SNTG1: variants seen among roughly 807,000 people sequenced by gnomAD.
SNTG1 encodes the protein syntrophin gamma 1.
Under a neutral mutation model 74.7 loss-of-function variants are expected in SNTG1, and 39 were observed. That is an observed-to-expected ratio of 0.52 (90% CI 0.40 to 0.68). The LOEUF (loss-of-function observed/expected upper bound fraction) is 0.68, where lower values mean the gene tolerates loss of function less well. SNTG1 is among the 30% of genes least tolerant of loss of function. SNTG1 has a pLI of 0.00. For synonymous variants in SNTG1, 254 were observed against 217.1 expected (o/e 1.17, Z -1.49); for missense variants, 685 against 609.5 (o/e 1.12, Z -1.30).
chr8:50,278,500 C>T (rs533303149), intron 2 of SNTG1, among the ~76,000 whole-genome samples: 2 of 152,182 alleles, frequency 1.3e-5, no homozygotes, highest in East Asian at 1.9e-4. Context: ...GAATCATAAA[C>T]AAGGACTCTT....
At chr8:50,393,021 T>A (rs925653290) in intron 2 of SNTG1, among the ~76,000 whole-genome samples, 8 of 152,042 alleles carry the variant, frequency 5.3e-5, no homozygotes, top group African/African-American at 1.9e-4. Flanking sequence ...TAACTTTACA[T>A]CACAGTTAGA....
chr8:50,305,913 A>AC (rs1297764247), intron 2 of SNTG1, among the ~76,000 whole-genome samples: 1 of 151,672 alleles, frequency 6.6e-6, no homozygotes, highest in Non-Finnish European at 1.5e-5. Flanking sequence ...TAAAAAAAAA[A>AC]AAACTGTTTC....
chr8:50,298,461 C>T (rs1018778886), intron 2 of SNTG1, among the ~76,000 whole-genome samples: 2 of 152,068 alleles, frequency 1.3e-5, no homozygotes, highest in African/African-American at 4.8e-5. Context: ...ATTTTCTTCA[C>T]CCCCTGCCCA....
At chr8:50,725,098 G>A (rs2095496837) in intron 17 of SNTG1, among the ~76,000 whole-genome samples, 1 of 151,898 alleles carries the variant, frequency 6.6e-6, no homozygotes, top group South Asian at 2.1e-4. Context: ...GAGAATCGTT[G>A]GATCAAAATA....
intron 2 of SNTG1, among the ~76,000 whole-genome samples, chr8:50,392,919 T>C (rs1235328943): frequency 1.3e-5 from 2 of 152,140 alleles, no homozygotes; most frequent in Admixed American, 6.5e-5. Context: ...TTTCTCTGGT[T>C]GCTTTTTAGT....
intron 18 of SNTG1, among the ~76,000 whole-genome samples, chr8:50,766,172 C>T (rs1046004746): frequency 1.3e-5 from 2 of 151,912 alleles, no homozygotes; most frequent in African/African-American, 2.4e-5. Context: ...CCATTAGTTA[C>T]CATTCAATAG....
At chr8:50,462,861 G>A (rs1236333763) in intron 8 of SNTG1, among the ~76,000 whole-genome samples, 1 of 119,190 alleles carries the variant, frequency 8.4e-6, no homozygotes, top group Non-Finnish European at 1.6e-5. Context: ...TGTGTTGCCA[G>A]GCTGGAGTGC....
In SNTG1 at chr8:50,209,949, G is replaced by A. The variant is rs546459530; in HGVS notation, c.-28+37314G>A. 7.7e-4 allele frequency among the ~76,000 whole-genome samples: 118 copies of A among 152,276 alleles called. No homozygotes were observed. In the South Asian group the frequency reaches 9.1e-3, roughly 12 times the overall value. On this transcript the variant is annotated intron_variant, in intron 2 of 18. Coordinates refer to ENST00000642720, the MANE Select transcript of SNTG1 (RefSeq NM_018967.5). ...TTCTCTGAACTAAAGGAGGATGTAC[G>A]AATCCATTGCAAAGAAGCTAAAAAC...
In SNTG1 at chr8:50,706,908, T is replaced by A. The variant is rs148595538; in HGVS notation, c.1192-1978T>A. On this transcript the variant is annotated intron_variant, in intron 16 of 18. Transcript: ENST00000642720. ...AAACAAGCAGAAAGAAAAAAATTAA[T>A]GAATTGACTTTCAAAGTGTTCCTCA... 9.1e-4 allele frequency among the ~76,000 whole-genome samples: 138 copies of A among 152,150 alleles called. 2 individuals carry two copies. The highest frequency in any genetic ancestry group is 6.9e-3 in the Middle Eastern group (2 of 290).
At chr8:50,052,177 C>T (rs959682109) in intron 1 of SNTG1, among the ~76,000 whole-genome samples, 1 of 151,840 alleles carries the variant, frequency 6.6e-6, no homozygotes, top group Non-Finnish European at 1.5e-5. Context: ...ATAGAGTAAT[C>T]AGATAATATA....
intron 1 of SNTG1, among the ~76,000 whole-genome samples, chr8:50,137,266 G>A (rs1274806494): frequency 1.3e-5 from 2 of 152,132 alleles, no homozygotes; most frequent in African/African-American, 4.8e-5. Flanking sequence ...TTAAAAGGGT[G>A]CATAACACAG....
intron 17 of SNTG1, 40 bp downstream of exon 17, chr8:50,709,018 C>T (rs2095453778): frequency 5.7e-6 from 8 of 1,404,418 alleles, no homozygotes; most frequent in African/African-American, 1.4e-5. Flanking sequence ...ATGCTGCAAA[C>T]ATTCTAATTG....
chr8:50,620,393 T>C (rs757277015), intron 13 of SNTG1, among the ~76,000 whole-genome samples: 6 of 152,204 alleles, frequency 3.9e-5, no homozygotes, highest in Admixed American at 2.6e-4. Flanking sequence ...CAGGGTCATG[T>C]CAGCAGCACA....
chr8:50,539,282 T>G (rs569887604), intron 11 of SNTG1, among the ~76,000 whole-genome samples: 19 of 152,298 alleles, frequency 1.2e-4, no homozygotes, highest in African/African-American at 4.6e-4. Context: ...CAGATTACTA[T>G]TTAATCTGGG....
chr8:50,555,164 A>T (rs1359123681), intron 12 of SNTG1, among the ~76,000 whole-genome samples: 3 of 152,182 alleles, frequency 2.0e-5, no homozygotes, highest in Non-Finnish European at 4.4e-5. Flanking sequence ...CCTTGTAATA[A>T]GTGCTCACCG....
intron 2 of SNTG1, among the ~76,000 whole-genome samples, chr8:50,354,521 G>A (rs1563933945): frequency 1.3e-5 from 2 of 152,188 alleles, no homozygotes; most frequent in Non-Finnish European, 2.9e-5. Context: ...ATTATGTATT[G>A]TTTCATGTTG....
intron 2 of SNTG1, among the ~76,000 whole-genome samples, chr8:50,211,538 T>C (rs931094783): frequency 2.0e-5 from 3 of 152,114 alleles, no homozygotes; most frequent in African/African-American, 7.2e-5. Flanking sequence ...ACCAATGAGA[T>C]TGCAAGACTA....
intron 1 of SNTG1, among the ~76,000 whole-genome samples, chr8:50,114,850 T>G: frequency 6.6e-6 from 1 of 151,972 alleles, no homozygotes; most frequent in East Asian, 1.9e-4. Flanking sequence ...GGTGACAGAG[T>G]GAGACTCCAT....
intron 12 of SNTG1, among the ~76,000 whole-genome samples, chr8:50,553,559 T>C (rs1329906582): frequency 6.6e-6 from 1 of 152,144 alleles, no homozygotes; most frequent in African/African-American, 2.4e-5. Flanking sequence ...TGAGGAGTAG[T>C]AGGCTAGGAG....
Sources: allele counts gnomAD v4.1 joint callset (sites outside exome capture counted in the v4.1 genomes callset), GRCh38; gene constraint gnomAD v4.1.1; transcripts MANE v1.5; gene names NCBI Gene and HGNC (gene_info 2026-07-23, HGNC 2026-07-21).